DLG2: variants seen among roughly 807,000 people sequenced by gnomAD.
The protein encoded by DLG2 is discs large MAGUK scaffold protein 2.
A neutral mutation model predicts 132.5 loss-of-function variants in DLG2; 45 were observed. That is an observed-to-expected ratio of 0.34 (90% confidence interval 0.27 to 0.44). The LOEUF (loss-of-function observed/expected upper bound fraction) is 0.44. DLG2 is among the 20% of genes least tolerant of loss of function. The pLI, the probability that DLG2 is intolerant of heterozygous loss-of-function variation, is 1.00. For synonymous variants in DLG2, 424 were observed against 419.6 expected (o/e 1.01, Z -0.13); for missense variants, 1,045 against 1,196.9 (o/e 0.87, Z 1.87).
At chr11:84,755,723 C>A (rs1287099627) in intron 6 of DLG2, among the ~76,000 whole-genome samples, 2 of 152,156 alleles carry the variant, frequency 1.3e-5, no homozygotes, top group East Asian at 3.9e-4. Context: ...GCGCCTGGCC[C>A]AGTGTGTCTT....
At chr11:84,885,976 G>A (rs1164343662) in intron 6 of DLG2, among the ~76,000 whole-genome samples, 1 of 152,006 alleles carries the variant, frequency 6.6e-6, no homozygotes, top group African/African-American at 2.4e-5. Context: ...TATTCACTAG[G>A]TATTGCATTG....
At chr11:85,554,389 A>G (rs1464797046) in intron 3 of DLG2, among the ~76,000 whole-genome samples, 1 of 151,922 alleles carries the variant, frequency 6.6e-6, no homozygotes, top group Non-Finnish European at 1.5e-5. Flanking sequence ...TTGAAAACAG[A>G]CAGGCTGGGC....
chr11:85,150,010 A>ATTTTTTTTTTTTTTTTTTTTTTTTTTTTT (rs962380618), intron 5 of DLG2, among the ~76,000 whole-genome samples: 2 of 112,304 alleles, frequency 1.8e-5, no homozygotes, highest in African/African-American at 7.7e-5. Flanking sequence ...TCAGTTTTTA[A>ATTTTTTTTTTTTTTTTTTTTTTTTTTTTT]TTTTTTTTTT....
At chr11:85,170,435 C>T (rs577014026) in intron 4 of DLG2, among the ~76,000 whole-genome samples, 1 of 152,054 alleles carries the variant, frequency 6.6e-6, no homozygotes, top group African/African-American at 2.4e-5. Context: ...TATGACTCAC[C>T]CAAGGGGAGA....
intron 6 of DLG2, among the ~76,000 whole-genome samples, chr11:84,675,801 G>A (rs1380966291): frequency 6.6e-6 from 1 of 152,102 alleles, no homozygotes; most frequent in Non-Finnish European, 1.5e-5. Flanking sequence ...GGTTCTGGAT[G>A]ATGGCCATTT....
chr11:84,733,241 G>A (rs573593012), intron 6 of DLG2, among the ~76,000 whole-genome samples: 3 of 152,148 alleles, frequency 2.0e-5, no homozygotes, highest in African/African-American at 7.2e-5. Flanking sequence ...GGTTGAACTA[G>A]TTTACAGACC....
intron 10 of DLG2, among the ~76,000 whole-genome samples, chr11:84,080,038 T>C (rs563302567): frequency 1.8e-4 from 27 of 152,346 alleles, no homozygotes; most frequent in Non-Finnish European, 2.9e-4. Flanking sequence ...TTTACATTCA[T>C]AGAACTCCTT....
At chr11:84,587,967 A>T (rs908833966) in intron 6 of DLG2, among the ~76,000 whole-genome samples, 4 of 152,088 alleles carry the variant, frequency 2.6e-5, no homozygotes, top group Non-Finnish European at 4.4e-5. Flanking sequence ...TCCTCTTTTC[A>T]GTGCACTTCC....
intron 5 of DLG2, among the ~76,000 whole-genome samples, chr11:85,151,745 A>G (rs916225246): frequency 6.6e-6 from 1 of 152,168 alleles, no homozygotes; most frequent in African/African-American, 2.4e-5. Flanking sequence ...ACTGATGAAT[A>G]TATCTGTCTT....
intron 6 of DLG2, among the ~76,000 whole-genome samples, chr11:84,974,175 G>T (rs745746032): frequency 2.0e-5 from 3 of 152,192 alleles, no homozygotes; most frequent in Non-Finnish European, 4.4e-5. Flanking sequence ...CCTTGAAAGG[G>T]AGAAGAAAAT....
At chr11:84,286,431 T>C (rs1229952663) in intron 7 of DLG2, among the ~76,000 whole-genome samples, 1 of 152,182 alleles carries the variant, frequency 6.6e-6, no homozygotes, top group African/African-American at 2.4e-5. Flanking sequence ...TCTACTCTAG[T>C]AAACAGTTAA....
intron 21 of DLG2, among the ~76,000 whole-genome samples, chr11:83,514,504 A>T (rs1442899841): frequency 6.6e-6 from 1 of 152,104 alleles, no homozygotes; most frequent in Non-Finnish European, 1.5e-5. Flanking sequence ...CTCTTTTCCT[A>T]ATTGAATACC....
chr11:85,518,126 A>T lies in DLG2; in HGVS notation c.40+80531T>A, dbSNP rs1161244873. On this transcript the variant is annotated intron_variant, in intron 3 of 27. Transcript: ENST00000376104. ...GCATGAAAACAGACTAATAGAGTAAATTGATACCAGCAGAGTGGGGCAATG... is the reference window on the plus strand; with the variant it reads ...GCATGAAAACAGACTAATAGAGTAATTTGATACCAGCAGAGTGGGGCAATG... Among the ~76,000 whole-genome samples, 11 of 152,200 alleles carry T rather than the reference A, an allele frequency of 7.2e-5. No homozygotes were observed. In the South Asian group the frequency reaches 1.4e-3, roughly 20 times the overall value.
rs529897966 is a variant in DLG2 at position 85,571,092 on chromosome 11, C to G, written c.40+27565G>C. On this transcript the variant is annotated intron_variant, in intron 3 of 27. Transcript: ENST00000376104. Reference sequence around the variant, plus strand: ...GATTTAAAATCTTTGCCTAGTTAATCCAATCTCTAGGCTACCTAAGGACAG... The same window carrying G: ...GATTTAAAATCTTTGCCTAGTTAATGCAATCTCTAGGCTACCTAAGGACAG... Among the ~76,000 whole-genome samples the G allele has an allele frequency of 4.6e-5, 7 of 152,146 alleles. No individual in the cohort carries two copies. The South Asian group carries it at 8.3e-4, about 18-fold the overall frequency.
chr11:84,602,845 C>A (rs544327658), intron 6 of DLG2, among the ~76,000 whole-genome samples: 1 of 151,842 alleles, frequency 6.6e-6, no homozygotes. Flanking sequence ...TTCTTCACAA[C>A]AGAGAATTAC....
chr11:85,427,405 C>T (rs2090844320), intron 3 of DLG2, among the ~76,000 whole-genome samples: 1 of 152,182 alleles, frequency 6.6e-6, no homozygotes, highest in Admixed American at 6.5e-5. Flanking sequence ...AAAGGGAAGG[C>T]CATCAGACTA....
chr11:84,187,415 G>A (rs1034475301), intron 8 of DLG2, among the ~76,000 whole-genome samples: 5 of 152,014 alleles, frequency 3.3e-5, no homozygotes, highest in African/African-American at 1.2e-4. Context: ...TAAAGATTCA[G>A]AGGTAGTGTA....
chr11:84,093,364 T>C (rs2097123878), intron 10 of DLG2, among the ~76,000 whole-genome samples: 2 of 152,208 alleles, frequency 1.3e-5, no homozygotes, highest in African/African-American at 4.8e-5. Flanking sequence ...ATTCTCATTC[T>C]TTCTCACATG....
intron 6 of DLG2, among the ~76,000 whole-genome samples, chr11:84,724,231 C>A (rs2153802083): frequency 6.6e-6 from 1 of 152,176 alleles, no homozygotes; most frequent in East Asian, 1.9e-4. Flanking sequence ...TAGATTATTT[C>A]TAAGTTTGCT....
Sources: allele counts gnomAD v4.1 joint callset (sites outside exome capture counted in the v4.1 genomes callset), GRCh38; gene constraint gnomAD v4.1.1; transcripts MANE v1.5; gene names NCBI Gene and HGNC (gene_info 2026-07-23, HGNC 2026-07-21).